The following PRELID2 variants were observed in gnomAD, a reference collection of about 807,000 sequenced individuals.
PRELID2 encodes the protein PRELI domain containing 2.
PRELID2 carries 25 observed loss-of-function variants against 28.4 expected under a neutral mutation model. The ratio of observed to expected loss-of-function variants is 0.88; its 90% CI spans 0.64 to 1.23. The LOEUF is 1.23. PRELID2 is among the 50% of genes most tolerant of loss of function. The pLI is 0.00. For missense variants in PRELID2, 201 were observed against 214.4 expected, an observed-to-expected ratio of 0.94 and a Z score of 0.39; for synonymous variants, 76 against 71.6, an observed-to-expected ratio of 1.06 and a Z score of -0.31.
intron 1 of PRELID2, among the ~76,000 whole-genome samples, chr5:145,542,194 T>C (rs1347061252): frequency 6.6e-6 from 1 of 152,072 alleles, no homozygotes; most frequent in African/African-American, 2.4e-5. Context: ...TCCTCTGCTT[T>C]CCTGAATCCT....
At chr5:145,439,009 T>G in the PRELID2 span, among the ~76,000 whole-genome samples, 2 of 152,174 alleles carry the variant, frequency 1.3e-5, no homozygotes, top group Non-Finnish European at 2.9e-5. Context: ...CCATAGCTTA[T>G]ATCTCCCACA....
the PRELID2 span, among the ~76,000 whole-genome samples, chr5:145,463,898 CT>C: frequency 6.6e-6 from 1 of 152,092 alleles, no homozygotes; most frequent in African/African-American, 2.4e-5. Context: ...GTTACCAAAG[CT>C]TTTATACACA....
chr5:145,652,060 A>T (rs1388272794), intron 1 of PRELID2, among the ~76,000 whole-genome samples: 1 of 152,224 alleles, frequency 6.6e-6, no homozygotes, highest in Non-Finnish European at 1.5e-5. Flanking sequence ...AGTCCTTAAA[A>T]GACCTGATGG....
intron 1 of PRELID2, among the ~76,000 whole-genome samples, chr5:145,654,300 G>C (rs931962240): frequency 6.6e-6 from 1 of 152,150 alleles, no homozygotes; most frequent in Admixed American, 6.5e-5. Context: ...TGGATTCACA[G>C]CCGAATTCTA....
At chr5:145,471,202 A>T (rs1476342631), downstream of PRELID2, among the ~76,000 whole-genome samples, 1 of 152,144 alleles carries the variant, frequency 6.6e-6, no homozygotes, top group Non-Finnish European at 1.5e-5. Flanking sequence ...TTCACCAGCT[A>T]TATGGAGGAA....
the PRELID2 span, among the ~76,000 whole-genome samples, chr5:145,298,749 C>A: frequency 2.0e-5 from 3 of 152,058 alleles, no homozygotes; most frequent in African/African-American, 7.2e-5. Context: ...TATAAATTAA[C>A]CAATCTGTGG....
At chr5:145,526,641 C>A (rs1284166975) in intron 1 of PRELID2, among the ~76,000 whole-genome samples, 1 of 151,924 alleles carries the variant, frequency 6.6e-6, no homozygotes, top group Non-Finnish European at 1.5e-5. Context: ...GGGAAGTGTT[C>A]TAGAGGATGG....
chr5:145,696,130 G>A (rs1368900777), intron 1 of PRELID2, among the ~76,000 whole-genome samples: 3 of 146,164 alleles, frequency 2.1e-5, no homozygotes, highest in Non-Finnish European at 4.5e-5. Context: ...TATAGTTTCT[G>A]GCACATAGTG....
At chr5:145,410,216 T>A in the PRELID2 span, among the ~76,000 whole-genome samples, 1 of 152,020 alleles carries the variant, frequency 6.6e-6, no homozygotes, top group Non-Finnish European at 1.5e-5. Context: ...TTCTAGAAAA[T>A]AACATGAGAA....
the PRELID2 span, among the ~76,000 whole-genome samples, chr5:145,415,235 T>G: frequency 1.3e-5 from 2 of 152,176 alleles, no homozygotes; most frequent in Non-Finnish European, 2.9e-5. Context: ...GACTCTTTTT[T>G]TTGTTGTTGG....
chr5:145,402,121 CTTTAT>C, the PRELID2 span, among the ~76,000 whole-genome samples: 1 of 152,142 alleles, frequency 6.6e-6, no homozygotes, highest in Non-Finnish European at 1.5e-5. Flanking sequence ...TTTTCACATG[CTTTAT>C]TTTAACACAT....
chr5:145,753,498 T>C (rs1356519252), downstream of PRELID2, among the ~76,000 whole-genome samples: 1 of 152,220 alleles, frequency 6.6e-6, no homozygotes, highest in Non-Finnish European at 1.5e-5. Context: ...GACAGTGAAT[T>C]GTATTTTTCT....
the PRELID2 span, among the ~76,000 whole-genome samples, chr5:145,276,338 C>G: frequency 6.6e-6 from 1 of 152,138 alleles, no homozygotes. Flanking sequence ...TTCTCTCTTT[C>G]TAGCAGTTTA....
At chr5:145,489,697 C>T (rs905733266) in intron 1 of PRELID2, among the ~76,000 whole-genome samples, 3 of 152,112 alleles carry the variant, frequency 2.0e-5, no homozygotes, top group South Asian at 4.1e-4. Context: ...TGTTGGTATG[C>T]CATGATTATT....
chr5:145,591,974 T>C (rs1268379703), intron 1 of PRELID2, among the ~76,000 whole-genome samples: 1 of 152,238 alleles, frequency 6.6e-6, no homozygotes, highest in Non-Finnish European at 1.5e-5. Context: ...TACCTCATCC[T>C]ACATTCCATA....
chr5:145,663,305 T>A (rs1174210915), intron 1 of PRELID2, among the ~76,000 whole-genome samples: 1 of 152,092 alleles, frequency 6.6e-6, no homozygotes, highest in Non-Finnish European at 1.5e-5. Flanking sequence ...AACCTCAAAT[T>A]CCTTTCCAGC....
Position 145,824,423 on chromosome 5 carries a change from G to GGT in PRELID2, c.76-1290_76-1289insAC, listed in dbSNP as rs1554100788. 1.1e-4 allele frequency among the ~76,000 whole-genome samples: 6 copies of GGT among 55,286 alleles called. No homozygotes were observed. In the East Asian group the frequency reaches 1.6e-3, roughly 14 times the overall value. The allele number at this position is 55,286 out of a possible 152,430, so 36.3% of individuals were successfully genotyped here. On this transcript the variant is annotated intron_variant, in intron 1 of 6. Coordinates refer to ENST00000683046, the MANE Select transcript of PRELID2 (RefSeq NM_205846.3). ...TGACTGTGGGTCTCCACCCACAGCA[G>GGT]GCGTGTGTGTGTGTGTGTGTGTGTG...
At chr5:145,289,454 T>C in the PRELID2 span, among the ~76,000 whole-genome samples, 141 of 152,300 alleles carry the variant, frequency 9.3e-4, no homozygotes, top group African/African-American at 3.3e-3. Flanking sequence ...TATTGCTAAA[T>C]AACATTCTGG....
chr5:145,769,920 A>T (rs1758000090), intron 5 of PRELID2, among the ~76,000 whole-genome samples: 1 of 152,256 alleles, frequency 6.6e-6, no homozygotes, highest in African/African-American at 2.4e-5. Context: ...AGAAAAAAGT[A>T]CAGTAATGTG....
Sources: gnomAD v4.1 joint callset for allele counts (sites outside exome capture counted in the v4.1 genomes callset) on GRCh38, gnomAD v4.1.1 for gene constraint, MANE v1.5 for transcripts, NCBI Gene and HGNC (gene_info 2026-07-23, HGNC 2026-07-21) for gene names.